Variants in LRRC4C observed in about 807,000 individuals in gnomAD.
LRRC4C encodes the protein leucine-rich repeat-containing protein 4C.
A neutral mutation model predicts 33.6 loss-of-function variants in LRRC4C; 5 were observed. That is an observed-to-expected ratio of 0.15 (90% CI 0.08 to 0.31). The LOEUF (loss-of-function observed/expected upper bound fraction) is 0.31. Among genes scored for constraint, LRRC4C ranks in the 10% least tolerant of loss-of-function variants. LRRC4C has a pLI of 1.00. For synonymous variants in LRRC4C, 329 were observed against 302.0 expected (o/e 1.09, Z -0.93); for missense variants, 560 against 796.7 (o/e 0.70, Z 3.58).
chr11:40,167,286 G>T (rs546007219), intron 5 of LRRC4C, among the ~76,000 whole-genome samples: 2 of 152,162 alleles, frequency 1.3e-5, no homozygotes, highest in African/African-American at 4.8e-5. Flanking sequence ...GATGTAGTGA[G>T]TGGTAGCTCT....
chr11:40,211,185 T>A (rs1408414631), intron 5 of LRRC4C, among the ~76,000 whole-genome samples: 3 of 152,224 alleles, frequency 2.0e-5, no homozygotes, highest in South Asian at 4.1e-4. Flanking sequence ...TAGATTTCAT[T>A]GTATCTTTCC....
intron 1 of LRRC4C, among the ~76,000 whole-genome samples, chr11:40,976,374 G>T (rs1852085623): frequency 6.6e-6 from 1 of 152,092 alleles, no homozygotes; most frequent in Non-Finnish European, 1.5e-5. Flanking sequence ...CATAAGCAAG[G>T]GTTCTGAAGA....
chr11:41,012,521 T>C (rs576576034), intron 1 of LRRC4C, among the ~76,000 whole-genome samples: 2 of 152,330 alleles, frequency 1.3e-5, no homozygotes, highest in African/African-American at 2.4e-5. Context: ...ATTTTGGCTA[T>C]TGTGATTAGT....
chr11:40,408,530 T>C (rs1950042612), intron 3 of LRRC4C, among the ~76,000 whole-genome samples: 1 of 151,856 alleles, frequency 6.6e-6, no homozygotes, highest in East Asian at 1.9e-4. Flanking sequence ...TCATAATTAT[T>C]AGAAAAGGAT....
chr11:40,324,733 C>G lies in LRRC4C; in HGVS notation c.-269-5012G>C, dbSNP rs181075231. On this transcript the variant is annotated intron_variant, in intron 3 of 6. Transcript: ENST00000528697. ...ACAATTAAGTAAATACAAATATTTA[C>G]AGATTAGGGTAAAAATTATGGAGAA... Among the ~76,000 whole-genome samples, 3 of 152,178 alleles carry G rather than the reference C, an allele frequency of 2.0e-5. No individual in the cohort carries two copies. The East Asian group carries it at 5.8e-4, about 29-fold the overall frequency.
At chr11:41,355,801 T>G (rs1460325887) in intron 1 of LRRC4C, among the ~76,000 whole-genome samples, 3 of 152,124 alleles carry the variant, frequency 2.0e-5, no homozygotes, top group African/African-American at 7.2e-5. Context: ...TTCATGTTTT[T>G]TTAAAGAATC....
chr11:40,192,558 GT>G lies in LRRC4C; in HGVS notation c.-96+48960del, dbSNP rs542893539. ...GGCAGACACTGAACTAGTTGCAGGA[GT>G]TTTTTTTCATACCCAGTGGCACCTG... On this transcript the variant is annotated intron_variant, in intron 5 of 6. Coordinates refer to ENST00000528697, the MANE Select transcript of LRRC4C (RefSeq NM_001258419.2). Among the ~76,000 whole-genome samples, 71 of 152,150 alleles carry G rather than the reference GT, an allele frequency of 4.7e-4. No homozygotes were observed. The South Asian group carries it at 8.5e-3, about 18-fold the overall frequency.
At chr11:40,834,629 T>C (rs1952578872) in intron 2 of LRRC4C, among the ~76,000 whole-genome samples, 1 of 152,094 alleles carries the variant, frequency 6.6e-6, no homozygotes, top group Non-Finnish European at 1.5e-5. Context: ...AAATGTCTCA[T>C]GTAAATGTCT....
chr11:40,472,024 G>A (rs568229242), intron 3 of LRRC4C, among the ~76,000 whole-genome samples: 2 of 152,256 alleles, frequency 1.3e-5, no homozygotes, highest in Admixed American at 6.5e-5. Flanking sequence ...GGCCGGGCAA[G>A]GTGGCTCGCA....
intron 2 of LRRC4C, among the ~76,000 whole-genome samples, chr11:40,810,989 AG>A (rs1408152138): frequency 1.3e-5 from 2 of 152,192 alleles, no homozygotes; most frequent in Non-Finnish European, 2.9e-5. Context: ...TGTTCTGCAA[AG>A]CCCTGCATAA....
intron 1 of LRRC4C, among the ~76,000 whole-genome samples, chr11:41,176,732 G>T (rs1388006106): frequency 1.3e-5 from 2 of 152,226 alleles, no homozygotes; most frequent in South Asian, 2.1e-4. Context: ...GGAGGCTGAC[G>T]CAGGCGGATT....
At chr11:40,510,891 T>C (rs1955281917) in intron 3 of LRRC4C, among the ~76,000 whole-genome samples, 2 of 152,136 alleles carry the variant, frequency 1.3e-5, no homozygotes, top group African/African-American at 4.8e-5. Context: ...ATTTGGATAT[T>C]GGGCAAAAAT....
chr11:40,778,869 T>A (rs1292167493), intron 2 of LRRC4C, among the ~76,000 whole-genome samples: 1 of 152,094 alleles, frequency 6.6e-6, no homozygotes, highest in African/African-American at 2.4e-5. Flanking sequence ...GGGTAGGGAA[T>A]GAGATTGGAG....
chr11:41,343,024 T>C (rs910378830), intron 1 of LRRC4C, among the ~76,000 whole-genome samples: 1 of 152,196 alleles, frequency 6.6e-6, no homozygotes, highest in African/African-American at 2.4e-5. Flanking sequence ...GTCTTCAAAT[T>C]GCCCTTTTCT....
At chr11:41,193,228 A>G (rs771400250) in intron 1 of LRRC4C, among the ~76,000 whole-genome samples, 1 of 152,080 alleles carries the variant, frequency 6.6e-6, no homozygotes, top group Non-Finnish European at 1.5e-5. Context: ...GTTGGAAAGT[A>G]CCTCTCCAGA....
chr11:40,719,365 T>A (rs1315258999), intron 2 of LRRC4C, among the ~76,000 whole-genome samples: 1 of 152,064 alleles, frequency 6.6e-6, no homozygotes, highest in Non-Finnish European at 1.5e-5. Flanking sequence ...CAGATAATAG[T>A]GAAAGTCAAC....
chr11:41,071,529 A>G (rs1039591365), intron 1 of LRRC4C, among the ~76,000 whole-genome samples: 9 of 152,194 alleles, frequency 5.9e-5, no homozygotes, highest in Non-Finnish European at 4.4e-5. Flanking sequence ...CCTAGATGAA[A>G]GCATGGTATA....
chr11:40,837,886 C>CTATA (rs67611635), intron 2 of LRRC4C, among the ~76,000 whole-genome samples: 28 of 148,928 alleles, frequency 1.9e-4, no homozygotes, highest in African/African-American at 6.9e-4. Flanking sequence ...GATGCTTAAA[C>CTATA]TATATATATA....
At chr11:41,195,108 T>A (rs1333261754) in intron 1 of LRRC4C, among the ~76,000 whole-genome samples, 1 of 152,092 alleles carries the variant, frequency 6.6e-6, no homozygotes, top group Non-Finnish European at 1.5e-5. Flanking sequence ...ATAGTTTCTC[T>A]TTTGCTCCCC....
Sources: allele counts gnomAD v4.1 joint callset (sites outside exome capture counted in the v4.1 genomes callset), GRCh38; gene constraint gnomAD v4.1.1; transcripts MANE v1.5; gene names NCBI Gene and HGNC (gene_info 2026-07-23, HGNC 2026-07-21).